Variants in PTPRN2 observed in about 807,000 individuals in gnomAD.
PTPRN2 encodes the protein receptor-type tyrosine-protein phosphatase N2.
PTPRN2 carries 74 observed loss-of-function variants against 118.8 expected under a neutral mutation model. The ratio of observed to expected loss-of-function variants is 0.62; its 90% CI spans 0.52 to 0.76. The LOEUF is 0.76. PTPRN2 is among the 30% of genes least tolerant of loss of function. The probability of loss-of-function intolerance (pLI) is 0.00; values close to 1 mark genes in which losing one functional copy is unlikely to be tolerated. For synonymous variants in PTPRN2, 641 were observed against 608.0 expected (o/e 1.05, Z -0.80); for missense variants, 1,481 against 1,394.4 (o/e 1.06, Z -0.99).
intron 3 of PTPRN2, among the ~76,000 whole-genome samples, chr7:158,224,762 G>C (rs1189646044): frequency 1.3e-5 from 2 of 152,178 alleles, no homozygotes; most frequent in Non-Finnish European, 2.9e-5. Flanking sequence ...TTGCTCTGTG[G>C]AAAGGCCCTC....
At chr7:158,045,570 T>C (rs748486032) in intron 11 of PTPRN2, among the ~76,000 whole-genome samples, 1 of 152,220 alleles carries the variant, frequency 6.6e-6, no homozygotes, top group Non-Finnish European at 1.5e-5. Flanking sequence ...AGACGGTCTC[T>C]GAATTGCAGA....
chr7:158,085,071 T>C (rs1813198134), intron 10 of PTPRN2, among the ~76,000 whole-genome samples: 1 of 87,282 alleles, frequency 1.1e-5, no homozygotes, highest in Non-Finnish European at 2.1e-5. Flanking sequence ...ATGACGCCCA[T>C]CCACACAGAT....
intron 2 of PTPRN2, among the ~76,000 whole-genome samples, chr7:158,331,766 C>T (rs1395288824): frequency 6.7e-6 from 1 of 149,968 alleles, no homozygotes; most frequent in African/African-American, 2.5e-5. Flanking sequence ...CTCACACTCT[C>T]ACCATAAGAG....
intron 2 of PTPRN2, among the ~76,000 whole-genome samples, chr7:158,379,067 G>A (rs900230259): frequency 3.3e-5 from 5 of 152,226 alleles, no homozygotes; most frequent in African/African-American, 1.2e-4. Flanking sequence ...GAGAAGTGCT[G>A]GGTTAGGACA....
At chr7:157,799,184 G>A (rs1216313491) in intron 12 of PTPRN2, among the ~76,000 whole-genome samples, 1 of 152,170 alleles carries the variant, frequency 6.6e-6, no homozygotes, top group African/African-American at 2.4e-5. Context: ...TGCTCGTGGG[G>A]AGGAAGGGCT....
intron 11 of PTPRN2, among the ~76,000 whole-genome samples, chr7:157,933,158 CTGAT>C (rs1172273349): frequency 7.3e-5 from 9 of 122,516 alleles, no homozygotes; most frequent in African/African-American, 1.7e-4. Context: ...GTGAGTCACT[CTGAT>C]TGACAGTTTT....
At chr7:157,847,995 A>C (rs1375944783) in intron 12 of PTPRN2, among the ~76,000 whole-genome samples, 1 of 148,332 alleles carries the variant, frequency 6.7e-6, no homozygotes, top group Non-Finnish European at 1.5e-5. Flanking sequence ...CTTTCATTAC[A>C]TCATGTGTGC....
Position 158,268,678 on chromosome 7 carries a change from GCACA to G in PTPRN2, c.277+48137_277+48140del, listed in dbSNP as rs1798074826. Among the ~76,000 whole-genome samples, 4 of 129,910 alleles carry G rather than the reference GCACA, an allele frequency of 3.1e-5. No homozygotes were observed. The South Asian group carries it at 1.0e-3, about 33-fold the overall frequency. 85.2% of individuals were successfully genotyped at this position (129,910 alleles called of 152,430 possible). A position where few individuals can be genotyped will look rare whatever the true frequency, so the allele number is the denominator to read the frequency against. On this transcript the variant is annotated intron_variant, in intron 3 of 22. Coordinates refer to ENST00000389418, the MANE Select transcript of PTPRN2 (RefSeq NM_002847.5). ...CGGGTGTGAAATATCCCAGCCGTGT[GCACA>G]CAGAGAGGGTGTGAAATATCCCAGC...
Position 158,526,500 on chromosome 7 carries a change from G to A in PTPRN2, c.113-36715C>T, listed in dbSNP as rs1824792360. The stretch of plus-strand genomic sequence containing the variant: ...ATTCCGACATGCTGGACTGTGGCTT[G>A]GGAAACTGACTCGGTTGTTCTCCAT... On this transcript the variant is annotated intron_variant, in intron 1 of 22. Coordinates refer to ENST00000389418, the MANE Select transcript of PTPRN2 (RefSeq NM_002847.5). The surrounding 1 kb of genome is among the most constrained non-coding windows in gnomAD (Gnocchi z 5.2). 6.6e-6 allele frequency among the ~76,000 whole-genome samples: 1 copy of A among 151,354 alleles called. No homozygotes were observed. The highest frequency in any genetic ancestry group is 2.5e-5 in the African/African-American group (1 of 40,664).
chr7:158,071,355 G>C (rs1464648171), intron 11 of PTPRN2, among the ~76,000 whole-genome samples: 4 of 112,424 alleles, frequency 3.6e-5, no homozygotes, highest in Non-Finnish European at 5.5e-5. Flanking sequence ...GCTCGTGGTG[G>C]TGGAGGTGCT....
chr7:157,824,315 G>T (rs1038294378), intron 12 of PTPRN2, among the ~76,000 whole-genome samples: 1 of 152,224 alleles, frequency 6.6e-6, no homozygotes, highest in Non-Finnish European at 1.5e-5. Flanking sequence ...TGTGCCGACC[G>T]CTGCCAGAGA....
At chr7:158,133,115 G>A (rs1027777417) in intron 9 of PTPRN2, among the ~76,000 whole-genome samples, 5 of 152,180 alleles carry the variant, frequency 3.3e-5, no homozygotes, top group Admixed American at 6.5e-5. Flanking sequence ...AAAGAGGCTC[G>A]CTGCTGTGAA....
chr7:157,689,896 G>C (rs2150829966), intron 12 of PTPRN2, among the ~76,000 whole-genome samples: 1 of 152,286 alleles, frequency 6.6e-6, no homozygotes, highest in East Asian at 1.9e-4. Context: ...GCGCGCTCCC[G>C]GACCCTGGTG....
rs899374568 is a variant in PTPRN2 at position 157,627,399 on chromosome 7, T to C, written c.2197-5890A>G. 6.6e-6 allele frequency among the ~76,000 whole-genome samples: 1 copy of C among 152,138 alleles called. No homozygotes were observed. The highest frequency in any genetic ancestry group is 1.5e-5 in the Non-Finnish European group (1 of 68,032). On this transcript the variant is annotated intron_variant, in intron 14 of 22. Coordinates refer to ENST00000389418, the MANE Select transcript of PTPRN2 (RefSeq NM_002847.5). This position sits in a 1 kb window ranked among gnomAD's most constrained non-coding sequence, Gnocchi z 4.2. Reference sequence around the variant, plus strand: ...CACAATGCGTGCTCACATCAGGAAATCCATGAAGAGTGAAAACAGGGAGCG... The same window carrying C: ...CACAATGCGTGCTCACATCAGGAAACCCATGAAGAGTGAAAACAGGGAGCG...
intron 3 of PTPRN2, among the ~76,000 whole-genome samples, chr7:158,274,116 G>A (rs1358904031): frequency 6.1e-5 from 5 of 82,456 alleles, no homozygotes; most frequent in Admixed American, 1.4e-4. Context: ...GGGAGGAGCC[G>A]CAGACACGGG....
At chr7:158,033,276 G>A (rs900566776) in intron 11 of PTPRN2, among the ~76,000 whole-genome samples, 5 of 152,176 alleles carry the variant, frequency 3.3e-5, no homozygotes, top group Non-Finnish European at 7.3e-5. Flanking sequence ...CTGGGCAGTG[G>A]AGGAGGATGT....
intron 2 of PTPRN2, among the ~76,000 whole-genome samples, chr7:158,449,560 G>C (rs1323897795): frequency 1.3e-5 from 2 of 150,824 alleles, no homozygotes; most frequent in Non-Finnish European, 2.9e-5. Context: ...GCAGAAGCAA[G>C]ACACATAGCG....
chr7:157,880,093 G>A (rs114913357), intron 12 of PTPRN2, among the ~76,000 whole-genome samples: 22 of 152,244 alleles, frequency 1.4e-4, no homozygotes, highest in African/African-American at 5.1e-4. Flanking sequence ...ATGTGTTAAC[G>A]AGGGATTAAA....
intron 3 of PTPRN2, among the ~76,000 whole-genome samples, chr7:158,274,468 A>C (rs1388792237): frequency 7.0e-6 from 1 of 143,610 alleles, no homozygotes; most frequent in East Asian, 2.1e-4. Flanking sequence ...CCGCAGACAC[A>C]GGAGGAGACA....
Sources: gnomAD v4.1 joint callset for allele counts (sites outside exome capture counted in the v4.1 genomes callset) on GRCh38, gnomAD v4.1.1 for gene constraint, Gnocchi (gnomAD v3.1) non-coding constraint, MANE v1.5 for transcripts, NCBI Gene and HGNC (gene_info 2026-07-23, HGNC 2026-07-21) for gene names.